The following TMEM272 variants were observed in gnomAD, a reference collection of about 807,000 sequenced individuals.
The protein encoded by TMEM272 is transmembrane protein 272, also known as long intergenic non-protein coding RNA 282.
A neutral mutation model predicts 3.7 loss-of-function variants in TMEM272; 8 were observed. That is an observed-to-expected ratio of 2.17 (90% CI 1.27 to 3.91). The LOEUF (loss-of-function observed/expected upper bound fraction) is 3.91, where lower values mean the gene tolerates loss of function less well. TMEM272 is among the 30% of genes most tolerant of loss of function. TMEM272 has a pLI of 0.00. For synonymous variants in TMEM272, 63 were observed against 39.8 expected (o/e 1.58, Z -2.20); for missense variants, 166 against 91.5 (o/e 1.81, Z -3.32).
At chr13:51,831,505 C>T (rs978424265) in intron 2 of TMEM272, among the ~76,000 whole-genome samples, 4 of 152,210 alleles carry the variant, frequency 2.6e-5, no homozygotes, top group African/African-American at 9.6e-5. Context: ...GGGCTTCCTA[C>T]AGCTGTCTGC....
chr13:51,869,202 A>G, the TMEM272 span, among the ~76,000 whole-genome samples: 2 of 152,216 alleles, frequency 1.3e-5, no homozygotes, highest in African/African-American at 2.4e-5. Flanking sequence ...TGGCTGTGGT[A>G]AGGAGTGGAG....
At chr13:51,871,821 CACACACACACACACACACACACAA>C in the TMEM272 span, among the ~76,000 whole-genome samples, 7 of 149,168 alleles carry the variant, frequency 4.7e-5, no homozygotes, top group African/African-American at 1.5e-4. Flanking sequence ...CACACACACA[CACACACACACACACACACACACAA>C]ACAGAGACGC....
At chr13:51,871,812 AC>A in the TMEM272 span, among the ~76,000 whole-genome samples, 3 of 147,330 alleles carry the variant, frequency 2.0e-5, no homozygotes, top group Non-Finnish European at 4.6e-5. Flanking sequence ...ACACACACAC[AC>A]ACACACACAC....
the TMEM272 span, among the ~76,000 whole-genome samples, chr13:51,877,996 G>A: frequency 6.6e-6 from 1 of 152,208 alleles, no homozygotes; most frequent in Admixed American, 6.5e-5. Flanking sequence ...ATAAATTGCG[G>A]TTCCGCGGGG....
chr13:51,851,933 A>G, the TMEM272 span, among the ~76,000 whole-genome samples: 1 of 152,246 alleles, frequency 6.6e-6, no homozygotes, highest in Non-Finnish European at 1.5e-5. Flanking sequence ...TTTTGGAATT[A>G]CAAACAATAC....
At chr13:51,879,887 G>A in the TMEM272 span, among the ~76,000 whole-genome samples, 4 of 152,206 alleles carry the variant, frequency 2.6e-5, 1 homozygote, top group Non-Finnish European at 2.9e-5. Flanking sequence ...GAGGGTCCAG[G>A]AAGGGCTTTC....
chr13:51,838,610 A>G (rs2139584074), intron 1 of TMEM272, 57 bp from the exon 2 acceptor site: 1 of 702,902 alleles, frequency 1.4e-6, no homozygotes, highest in Non-Finnish European at 2.6e-6. Context: ...CTCAGCACCA[A>G]TAACCAACCC....
At chr13:51,892,694 TGATG>T in the TMEM272 span, among the ~76,000 whole-genome samples, 1 of 152,144 alleles carries the variant, frequency 6.6e-6, no homozygotes, top group Non-Finnish European at 1.5e-5. Context: ...CCATTCCCCA[TGATG>T]GCCTTTCCCC....
At chr13:51,889,425 AGAG>A in the TMEM272 span, among the ~76,000 whole-genome samples, 1,070 of 152,254 alleles carry the variant, frequency 7.0e-3, 13 homozygotes, top group African/African-American at 0.025. Context: ...CCTTACAAGA[AGAG>A]GAGGAGACAC....
the TMEM272 span, among the ~76,000 whole-genome samples, chr13:51,898,119 G>A: frequency 1.3e-5 from 2 of 151,958 alleles, no homozygotes; most frequent in South Asian, 2.1e-4. Flanking sequence ...GTTACTGGCT[G>A]AGGCAGGAGA....
upstream of TMEM272, among the ~76,000 whole-genome samples, chr13:51,846,744 A>G (rs1054728021): frequency 1.3e-5 from 2 of 152,166 alleles, no homozygotes; most frequent in Non-Finnish European, 2.9e-5. Flanking sequence ...GATGATCCTG[A>G]CCCTGTGTAG....
upstream of TMEM272, among the ~76,000 whole-genome samples, chr13:51,845,347 C>T (rs757865627): frequency 4.6e-5 from 7 of 152,132 alleles, no homozygotes; most frequent in Non-Finnish European, 7.3e-5. Flanking sequence ...TAGGAATTCC[C>T]GCGGGAAACA....
At chr13:51,863,591 T>C in the TMEM272 span, among the ~76,000 whole-genome samples, 3 of 151,994 alleles carry the variant, frequency 2.0e-5, no homozygotes, top group African/African-American at 7.3e-5. Context: ...CCCCTGGTTC[T>C]GGTTTGTGTG....
the TMEM272 span, among the ~76,000 whole-genome samples, chr13:51,901,346 G>C: frequency 6.6e-6 from 1 of 152,202 alleles, no homozygotes; most frequent in East Asian, 1.9e-4. Context: ...ACATGGTCTA[G>C]AGTTCAATGC....
At chr13:51,921,897 C>T in the TMEM272 span, among the ~76,000 whole-genome samples, 1 of 152,144 alleles carries the variant, frequency 6.6e-6, no homozygotes, top group Non-Finnish European at 1.5e-5. Flanking sequence ...GTATCCCTCC[C>T]CACCCACTGT....
chr13:51,850,213 A>AT, the TMEM272 span, among the ~76,000 whole-genome samples: 1 of 152,136 alleles, frequency 6.6e-6, no homozygotes, highest in East Asian at 1.9e-4. Context: ...ATCAACTACA[A>AT]TTTTACGTTG....
chr13:51,836,469 T>A (rs1362103083), intron 2 of TMEM272, among the ~76,000 whole-genome samples: 1 of 152,232 alleles, frequency 6.6e-6, no homozygotes, highest in Non-Finnish European at 1.5e-5. Context: ...AATACAGTCC[T>A]CTCTGCTGTT....
At chr13:51,835,085 G>A (rs1423023200) in intron 2 of TMEM272, among the ~76,000 whole-genome samples, 3 of 152,054 alleles carry the variant, frequency 2.0e-5, no homozygotes, top group Non-Finnish European at 2.9e-5. Flanking sequence ...CTGGATGAAC[G>A]CCCAGATAAA....
chr13:51,920,939 A>C, the TMEM272 span, among the ~76,000 whole-genome samples: 6 of 152,230 alleles, frequency 3.9e-5, no homozygotes, highest in Non-Finnish European at 7.3e-5. Flanking sequence ...CCCAGCTGTG[A>C]AACTGCAACA....
Sources: gnomAD v4.1 joint callset for allele counts (sites outside exome capture counted in the v4.1 genomes callset) on GRCh38, gnomAD v4.1.1 for gene constraint, MANE v1.5 for transcripts, NCBI Gene and HGNC (gene_info 2026-07-23, HGNC 2026-07-21) for gene names.